PEX14: variants seen among roughly 807,000 people sequenced by gnomAD.
PEX14 encodes peroxisomal membrane protein PEX14.
Under a neutral mutation model 49.5 loss-of-function variants are expected in PEX14, and 15 were observed. The ratio of observed to expected loss-of-function variants is 0.30; its 90% CI spans 0.20 to 0.47. The LOEUF (loss-of-function observed/expected upper bound fraction) is 0.47, where lower values mean the gene tolerates loss of function less well. PEX14 is among the 20% of genes least tolerant of loss of function. The probability of loss-of-function intolerance (pLI) is 1.00; values close to 1 mark genes in which losing one functional copy is unlikely to be tolerated. For synonymous variants in PEX14, 210 were observed against 212.7 expected (o/e 0.99, Z 0.11); for missense variants, 398 against 494.8 (o/e 0.80, Z 1.86).
chr1:10,542,723 C>T lies in PEX14; in HGVS notation c.169+6426C>T, dbSNP rs1323576578. Among the ~76,000 whole-genome samples, 6 of 147,178 alleles carry T rather than the reference C, an allele frequency of 4.1e-5. 1 individual carries two copies. The highest frequency in any genetic ancestry group is 4.5e-5 in the Non-Finnish European group (3 of 65,992). ...TTGCAGTGAGCCGAGATCGTGTCACCGCACTCCAGCCTGGGTGACAGAGCA... is the reference window on the plus strand; with the variant it reads ...TTGCAGTGAGCCGAGATCGTGTCACTGCACTCCAGCCTGGGTGACAGAGCA... On this transcript the variant is annotated intron_variant, in intron 3 of 8. Coordinates refer to ENST00000356607, the MANE Select transcript of PEX14 (RefSeq NM_004565.3).
At chr1:10,531,890 G>A (rs988806567) in intron 2 of PEX14, among the ~76,000 whole-genome samples, 7 of 152,150 alleles carry the variant, frequency 4.6e-5, no homozygotes, top group African/African-American at 4.8e-5. Flanking sequence ...AGAAAATAAA[G>A]TGTGTATTCT....
chr1:10,487,112 T>TC (rs1398948539), intron 1 of PEX14, among the ~76,000 whole-genome samples: 2 of 152,232 alleles, frequency 1.3e-5, no homozygotes, highest in African/African-American at 4.8e-5. Context: ...TTATGTTGAT[T>TC]GATTTTTGAA....
intron 2 of PEX14, among the ~76,000 whole-genome samples, chr1:10,520,148 C>CTTCTTTTTTTTTTTT (rs1553185419): frequency 1.4e-5 from 1 of 69,162 alleles, no homozygotes; most frequent in African/African-American, 4.2e-5. Context: ...CCTTCTTCTT[C>CTTCTTTTTTTTTTTT]TTTTTTTTTT....
intron 4 of PEX14, among the ~76,000 whole-genome samples, chr1:10,616,577 C>T (rs1246233578): frequency 6.6e-6 from 1 of 152,184 alleles, no homozygotes; most frequent in Non-Finnish European, 1.5e-5. Flanking sequence ...GTCTGTGTCC[C>T]ACCCACGCCC....
chr1:10,535,222 G>A (rs969287332), intron 2 of PEX14, among the ~76,000 whole-genome samples: 1 of 152,170 alleles, frequency 6.6e-6, no homozygotes, highest in Non-Finnish European at 1.5e-5. Context: ...CCATCCATAG[G>A]GCTGGTGTCT....
intron 3 of PEX14, among the ~76,000 whole-genome samples, chr1:10,588,745 A>G (rs1052590549): frequency 3.3e-5 from 5 of 152,178 alleles, no homozygotes; most frequent in Admixed American, 1.3e-4. Context: ...ATGTTACTTA[A>G]TAGTGACCCC....
chr1:10,536,378 G>A (rs1638803887), intron 3 of PEX14, 81 bp downstream of exon 3: 11 of 892,230 alleles, frequency 1.2e-5, no homozygotes, highest in Non-Finnish European at 2.1e-5. Context: ...TGCAAGGCAG[G>A]TGCTGAGCTG....
intron 4 of PEX14, among the ~76,000 whole-genome samples, chr1:10,611,127 T>C (rs963670651): frequency 1.3e-5 from 2 of 152,006 alleles, no homozygotes; most frequent in African/African-American, 4.8e-5. Flanking sequence ...TAGCTGAGCC[T>C]GGTGGCATGC....
intron 1 of PEX14, among the ~76,000 whole-genome samples, chr1:10,488,915 G>T (rs773252707): frequency 1.3e-5 from 2 of 152,072 alleles, no homozygotes; most frequent in Non-Finnish European, 2.9e-5. Context: ...TAGTTATATC[G>T]TCTGGTTTTT....
chr1:10,568,638 A>G lies in PEX14; in HGVS notation c.170-30600A>G, dbSNP rs182551487. Among the ~76,000 whole-genome samples the G allele has an allele frequency of 8.5e-5, 13 of 152,294 alleles. No homozygotes were observed. The East Asian group carries it at 2.3e-3, about 27-fold the overall frequency. ...CAGAATAGCCGTAAGTATGTGTTCA[A>G]GCCCTCAGAGATGATGAATTTGTTC... is the stretch of plus-strand genomic sequence containing the variant. On this transcript the variant is annotated intron_variant, in intron 3 of 8. Transcript: ENST00000356607.
intron 3 of PEX14, among the ~76,000 whole-genome samples, chr1:10,538,696 G>C (rs571464390): frequency 2.0e-5 from 3 of 152,262 alleles, no homozygotes; most frequent in African/African-American, 7.2e-5. Flanking sequence ...CACCGTCTCC[G>C]ATGGGGATGA....
chr1:10,564,766 TTC>T (rs1429189092), intron 3 of PEX14, among the ~76,000 whole-genome samples: 9 of 152,032 alleles, frequency 5.9e-5, no homozygotes, highest in African/African-American at 2.2e-4. Context: ...TCTAGTAAAC[TTC>T]TCTGTTTTGT....
chr1:10,626,708 C>G (rs574490050), intron 7 of PEX14, among the ~76,000 whole-genome samples: 17 of 152,242 alleles, frequency 1.1e-4, no homozygotes, highest in Non-Finnish European at 1.3e-4. Flanking sequence ...ACGGAGGCCT[C>G]GTGGCATTGT....
At chr1:10,483,506 G>A (rs1055224197) in intron 1 of PEX14, among the ~76,000 whole-genome samples, 1 of 151,948 alleles carries the variant, frequency 6.6e-6, no homozygotes, top group African/African-American at 2.4e-5. Flanking sequence ...CAGTAGAGAC[G>A]GGGTTTCACT....
intron 3 of PEX14, among the ~76,000 whole-genome samples, chr1:10,543,865 A>G (rs932575458): frequency 2.6e-5 from 4 of 152,076 alleles, no homozygotes; most frequent in Admixed American, 6.5e-5. Context: ...TTCCCAAAGC[A>G]TTGGAATTAC....
At chr1:10,551,966 A>T (rs1271898076) in intron 3 of PEX14, among the ~76,000 whole-genome samples, 2 of 151,788 alleles carry the variant, frequency 1.3e-5, no homozygotes, top group Non-Finnish European at 2.9e-5. Context: ...GGTGGCAGGC[A>T]CCTGTAGTCC....
chr1:10,626,553 G>A (rs1641750147), intron 7 of PEX14, among the ~76,000 whole-genome samples: 1 of 152,224 alleles, frequency 6.6e-6, no homozygotes, highest in Non-Finnish European at 1.5e-5. Flanking sequence ...GCCAGCCAGC[G>A]GCCCACAGCA....
intron 4 of PEX14, chr1:10,617,008 G>C (rs920557557): frequency 1.3e-5 from 2 of 152,004 alleles, no homozygotes; most frequent in Non-Finnish European, 2.9e-5. Context: ...GTCGCCTAAG[G>C]AGGTCAGAAA....
intron 1 of PEX14, among the ~76,000 whole-genome samples, chr1:10,479,573 G>T (rs575805519): frequency 3.7e-4 from 57 of 152,314 alleles, no homozygotes; most frequent in African/African-American, 1.3e-3. Context: ...GCAGAGGCAT[G>T]GTTCAATCTG....
Sources: gnomAD v4.1 joint callset for allele counts (sites outside exome capture counted in the v4.1 genomes callset) on GRCh38, gnomAD v4.1.1 for gene constraint, MANE v1.5 for transcripts, NCBI Gene and HGNC (gene_info 2026-07-23, HGNC 2026-07-21) for gene names.